RIN1: variants seen among roughly 807,000 people sequenced by gnomAD.
The protein encoded by RIN1 is ras inhibitor 1.
A neutral mutation model predicts 64.9 loss-of-function variants in RIN1; 52 were observed. The observed-to-expected ratio is 0.80, with a 90% CI of 0.64 to 1.01. RIN1 has a LOEUF of 1.01. RIN1 is among the 50% of genes least tolerant of loss of function. The pLI is 0.00. For synonymous variants in RIN1, 486 were observed against 483.6 expected (o/e 1.00, Z -0.06); for missense variants, 1,040 against 1,064.5 (o/e 0.98, Z 0.32).
chr11:66,333,268 T>C lies in RIN1; in HGVS notation c.1865A>G (p.His622Arg), dbSNP rs764870832. The C allele has an allele frequency of 5.0e-6, 8 of 1,610,886 alleles. No homozygotes were observed. The highest frequency in any genetic ancestry group is 1.3e-5 in the African/African-American group (1 of 74,824). ...LWEQRRLPAT[H>R]CFQHLLRVAY... is the part of the protein sequence containing the mutation. ...TGGAGGGCCTGTTACCTGGAAGCAG[T>C]GGGTGGCAGGCAGGCGGCGCTGCTC... The change falls in exon 9 of 10, where the codon CAC (histidine) becomes CGC (arginine). Residue 622 changes from histidine (H) to arginine (R), a missense_variant. Transcript: ENST00000311320.
At chr11:66,335,282 G>T in intron 5 of RIN1, 31 bp from the exon 6 acceptor site, 1 of 1,562,248 alleles carries the variant, frequency 6.4e-7, no homozygotes, top group Non-Finnish European at 8.6e-7. Flanking sequence ...TGGGGCCTCC[G>T]GGACTGGTTA....
At position 66,331,864 on chromosome 11, in the gene RIN1, G is replaced by A. The variant is rs7948019; in HGVS notation, c.*412C>T. 136 of 235,666 alleles carry A rather than the reference G, an allele frequency of 5.8e-4. No homozygotes were observed. The highest frequency in any genetic ancestry group is 2.6e-3 in the African/African-American group (116 of 43,996). 14.6% of individuals were successfully genotyped at this position (235,666 alleles called of 1,614,324 possible). A position where few individuals can be genotyped will look rare whatever the true frequency, so the allele number is the denominator to read the frequency against. On this transcript the variant is annotated 3_prime_UTR_variant, in exon 10 of 10. Coordinates refer to ENST00000311320, the MANE Select transcript of RIN1 (RefSeq NM_004292.3). ...GAGCCATTGGAACCTTTTAGGGTCT[G>A]GAAGTCCCAGCCTGGTGGGAGATAC...
In RIN1 at chr11:66,332,565, GC is replaced by G. The variant is rs1565199334; in HGVS notation, c.2062del (p.Ala688ProfsTer26). The G allele has an allele frequency of 8.1e-6, 13 of 1,612,516 alleles. No individual in the cohort carries two copies. The highest frequency in any genetic ancestry group is 1.1e-5 in the Non-Finnish European group (13 of 1,179,034). On this transcript the variant is annotated frameshift_variant, in exon 10 of 10. Transcript: ENST00000311320. LOFTEE classifies it high-confidence loss of function. ...EQGYHRLPPG[A>X]LAHRLPTTGY... Reference sequence around the variant, plus strand: ...AGTGGTGGGCAGCCTGTGGGCCAGGGCCCCAGGGGGCAGGCGGTGGTAGCCC... The same window carrying G: ...AGTGGTGGGCAGCCTGTGGGCCAGGGCCCAGGGGGCAGGCGGTGGTAGCCC...
chr11:66,334,566 G>A lies in RIN1; in HGVS notation c.1233C>T (p.Ala411=), dbSNP rs1472005961. 1 of 1,586,552 alleles carries A rather than the reference G, an allele frequency of 6.3e-7. No homozygotes were observed. Among genetic ancestry groups the A allele is most frequent in the Non-Finnish European group, 8.6e-7 (1 of 1,168,170 alleles). Residue 411 remains alanine, a synonymous_variant, in exon 6 of 10, where the codon GCC becomes GCT. Transcript: ENST00000311320. ...CAGGGCCCAGCTCCGCACTCAGCAT[G>A]GCCCGGGCCCGGCTCAGCGCCTGAC... ...GIRQALSRAR[A]MLSAELGPEK...
Position 66,335,160 on chromosome 11 carries a change from C to T in RIN1, c.639G>A (p.Glu213=), listed in dbSNP as rs368847554. 30 of 1,552,674 alleles carry T rather than the reference C, an allele frequency of 1.9e-5. No homozygotes were observed. The African/African-American group carries it at 3.7e-4, about 19-fold the overall frequency. Residue 213 remains glutamate (E), a synonymous_variant, in exon 6 of 10, where the codon GAG becomes GAA. Coordinates refer to ENST00000311320, the MANE Select transcript of RIN1 (RefSeq NM_004292.3). ...LPQLKARSPQ[E]LDQGTGAALC... is the part of the protein sequence containing the mutation. ...AGGCGGCTCCGGTGCCCTGGTCCAG[C>T]TCTTGAGGGGACCGGGCCTTCAGCT... is the stretch of plus-strand genomic sequence containing the variant.
In RIN1 at chr11:66,334,588, T is replaced by G; in HGVS notation, c.1211A>C (p.Gln404Pro). The G allele has an allele frequency of 6.3e-7, 1 of 1,584,538 alleles. No homozygotes were observed. Among genetic ancestry groups the G allele is most frequent in the Non-Finnish European group, 8.6e-7 (1 of 1,167,346 alleles). Residue 404 changes from glutamine (Q) to proline (P), a missense_variant, in exon 6 of 10, where the codon CAG becomes CCG. Gln to Pro is a moderately conservative substitution (Grantham distance 76, BLOSUM62 -1). Coordinates refer to ENST00000311320, the MANE Select transcript of RIN1 (RefSeq NM_004292.3). ...PEPQELQGIR[Q>P]ALSRARAMLS... ...CATGGCCCGGGCCCGGCTCAGCGCCTGACGGATGCCCTGCAGCTCCTGGGG... is the reference window on the plus strand; with the variant it reads ...CATGGCCCGGGCCCGGCTCAGCGCCGGACGGATGCCCTGCAGCTCCTGGGG...
chr11:66,334,563 C>T lies in RIN1; in HGVS notation c.1236G>A (p.Met412Ile). ...IRQALSRARA[M>I]LSAELGPEKL... ...TCTCAGGGCCCAGCTCCGCACTCAG[C>T]ATGGCCCGGGCCCGGCTCAGCGCCT... The change falls in exon 6 of 10, where the codon ATG (methionine) becomes ATA (isoleucine). Residue 412 changes from methionine to isoleucine, a missense_variant. Coordinates refer to ENST00000311320, the MANE Select transcript of RIN1 (RefSeq NM_004292.3). 6.3e-7 allele frequency: 1 copy of T among 1,589,044 alleles called. No homozygotes were observed. Among genetic ancestry groups the T allele is most frequent in the Non-Finnish European group, 8.6e-7 (1 of 1,169,434 alleles).
rs1854908573 is a variant in RIN1, at chr11:66,336,434, T to C, written c.-32A>G. ...GAGCTCCTTCGCTTCAGGAAGAGAATCCAGTCCCAAGGCAAGGCACGCACA... is the reference window on the plus strand; with the variant it reads ...GAGCTCCTTCGCTTCAGGAAGAGAACCCAGTCCCAAGGCAAGGCACGCACA... On this transcript the variant is annotated 5_prime_UTR_variant, in exon 1 of 10. Coordinates refer to ENST00000311320, the MANE Select transcript of RIN1 (RefSeq NM_004292.3). 1 of 1,594,244 alleles carries C rather than the reference T, an allele frequency of 6.3e-7. No individual in the cohort carries two copies. The highest frequency in any genetic ancestry group is 2.3e-5 in the East Asian group (1 of 44,374).
chr11:66,332,878 A>G, intron 9 of RIN1, 126 bp from the exon 10 acceptor site: 1 of 765,964 alleles, frequency 1.3e-6, no homozygotes. Flanking sequence ...CCAGTGGGAG[A>G]ACCAAGCGGC....
Position 66,334,616 on chromosome 11 carries a change from C to T in RIN1, c.1183G>A (p.Glu395Lys), listed in dbSNP as rs367618267. 18 of 1,578,922 alleles carry T rather than the reference C, an allele frequency of 1.1e-5. 1 individual carries two copies. The highest frequency in any genetic ancestry group is 1.8e-5 in the Admixed American group (1 of 54,940). ...DLLTQVRAGP[E>K]PQELQGIRQA... Reference sequence around the variant, plus strand: ...CGGATGCCCTGCAGCTCCTGGGGCTCGGGCCCAGCCCGCACCTGGGTCAGT... The same window carrying T: ...CGGATGCCCTGCAGCTCCTGGGGCTTGGGCCCAGCCCGCACCTGGGTCAGT... The change falls in exon 6 of 10, where the codon GAG (glutamate) becomes AAG (lysine). Residue 395 changes from glutamate (E) to lysine (K), a missense_variant. By Grantham distance (56) the Glu-to-Lys change is moderately conservative (BLOSUM62 1). Coordinates refer to ENST00000311320, the MANE Select transcript of RIN1 (RefSeq NM_004292.3).
chr11:66,336,232 G>A, intron 1 of RIN1, 74 bp from the exon 2 acceptor site: 1 of 1,507,782 alleles, frequency 6.6e-7, no homozygotes, highest in East Asian at 2.5e-5. Flanking sequence ...CCACTCCCGG[G>A]TTTCCCACTT....
Position 66,335,606 on chromosome 11 carries a change from T to A in RIN1, c.455+4A>T. 6.2e-7 allele frequency: 1 copy of A among 1,613,620 alleles called. No individual in the cohort carries two copies. The highest frequency in any genetic ancestry group is 8.5e-7 in the Non-Finnish European group (1 of 1,179,812). ...GACACCAGGCACCCTGCGGGCAGAC[T>A]CACCGGGTGTGGCAGTAGGCACAGA... On this transcript the variant is annotated splice_donor_region_variant and intron_variant, in intron 4 of 9. Coordinates refer to ENST00000311320, the MANE Select transcript of RIN1 (RefSeq NM_004292.3).
intron 6 of RIN1, 53 bp downstream of exon 6, chr11:66,334,461 G>C: frequency 1.9e-6 from 3 of 1,577,594 alleles, no homozygotes; most frequent in Non-Finnish European, 2.6e-6. Context: ...CTGTGGAGGG[G>C]AGCAGAGGGT....
At position 66,335,346 on chromosome 11, in the gene RIN1, C is replaced by T. The variant is rs1398242251; in HGVS notation, c.547+61G>A. The T allele has an allele frequency of 2.6e-6, 4 of 1,557,524 alleles. No homozygotes were observed. The East Asian group carries it at 9.2e-5, about 36-fold the overall frequency. On this transcript the variant is annotated intron_variant, in intron 5 of 9. Transcript: ENST00000311320. The stretch of plus-strand genomic sequence containing the variant: ...GGGGCTTCGGGCGGTGTGCTGCGAG[C>T]CTTGCCTTCCCCTCGGCCTCAGCTT...
chr11:66,335,624 G>A lies in RIN1; in HGVS notation c.441C>T (p.Ala147=). Residue 147 remains alanine, a synonymous_variant, in exon 4 of 10, where the codon GCC becomes GCT. Transcript: ENST00000311320. The part of the protein sequence containing the change: ...MFPDLVQLIC[A]YCHTRDILLL... ...GGCAGACTCACCGGGTGTGGCAGTAGGCACAGATGAGCTGGACTAGGTCTG... is the reference window on the plus strand; with the variant it reads ...GGCAGACTCACCGGGTGTGGCAGTAAGCACAGATGAGCTGGACTAGGTCTG... The A allele has an allele frequency of 6.2e-7, 1 of 1,613,740 alleles. No homozygotes were observed. Among genetic ancestry groups the A allele is most frequent in the Non-Finnish European group, 8.5e-7 (1 of 1,179,864 alleles).
rs1590915366 is a variant in RIN1 at position 66,330,593 on chromosome 11, C to T, written c.*1683G>A. ...ACCAGCCTGGCCAACATGGGGAAAC[C>T]CCGTCTCTACTAGTAACACAAAAAT... On this transcript the variant is annotated 3_prime_UTR_variant, in exon 10 of 10. Transcript: ENST00000311320. 1 of 152,422 alleles carries T rather than the reference C, an allele frequency of 6.6e-6. No individual in the cohort carries two copies. Among genetic ancestry groups the T allele is most frequent in the Admixed American group, 6.5e-5 (1 of 15,312 alleles). The allele number at this position is 152,422 out of a possible 1,614,324, so 9.4% of individuals were successfully genotyped here. A position where few individuals can be genotyped will look rare whatever the true frequency, so the allele number is the denominator to read the frequency against.
In RIN1 at chr11:66,336,063, C is replaced by G; in HGVS notation, c.182G>C (p.Arg61Pro). 2 of 1,463,712 alleles carry G rather than the reference C, an allele frequency of 1.4e-6. No individual in the cohort carries two copies. The highest frequency in any genetic ancestry group is 1.8e-6 in the Non-Finnish European group (2 of 1,108,418). The allele number at this position is 1,463,712 out of a possible 1,614,324, so 90.7% of individuals were successfully genotyped here. A position where few individuals can be genotyped will look rare whatever the true frequency, so the allele number is the denominator to read the frequency against. The change falls in exon 2 of 10, where the codon CGC becomes CCC. Residue 61 changes from arginine (R) to proline (P), a missense_variant. Transcript: ENST00000311320. Reference protein sequence around the residue: ...RPGRVVSLRERLLLTRPVWLQ... With the variant: ...RPGRVVSLREPLLLTRPVWLQ... ...CCACACGGGCCGGGTGAGCAGCAGG[C>G]GCTCCCGCAGGCTCACAACGCGCCC...
chr11:66,333,193 A>G lies in RIN1; in HGVS notation c.1875+65T>C, dbSNP rs1489383468. The stretch of plus-strand genomic sequence containing the variant: ...GTCTACAGAGTCTGGACTCTTCACC[A>G]AGGACAGGAAGGTGAAAGGCGGGGA... On this transcript the variant is annotated intron_variant, in intron 9 of 9. Coordinates refer to ENST00000311320, the MANE Select transcript of RIN1 (RefSeq NM_004292.3). 5 of 1,570,618 alleles carry G rather than the reference A, an allele frequency of 3.2e-6. No homozygotes were observed. In the African/African-American group the frequency reaches 5.4e-5, roughly 17 times the overall value.
rs1053345386 is a variant in RIN1, at chr11:66,336,173, C to T, written c.87-15G>A. The stretch of plus-strand genomic sequence containing the variant: ...CCTGGGCTGGCCTGGGGGCAGGCAC[C>T]CAGATCTGAGCAGGGAGCCAGGGGC... On this transcript the variant is annotated splice_polypyrimidine_tract_variant and intron_variant, in intron 1 of 9. Transcript: ENST00000311320. The T allele has an allele frequency of 6.2e-6, 9 of 1,460,984 alleles. No homozygotes were observed. The Admixed American group carries it at 1.8e-4, about 29-fold the overall frequency. The allele number at this position is 1,460,984 out of a possible 1,614,324, so 90.5% of individuals were successfully genotyped here. A position where few individuals can be genotyped will look rare whatever the true frequency, so the allele number is the denominator to read the frequency against.
Sources: gnomAD v4.1 joint callset for allele counts on GRCh38, gnomAD v4.1.1 for gene constraint, MANE v1.5 for transcripts, NCBI Gene and HGNC (gene_info 2026-07-23, HGNC 2026-07-21) for gene names.